Variants in MTHFD2L observed in about 807,000 individuals in gnomAD.
The protein encoded by MTHFD2L is bifunctional methylenetetrahydrofolate dehydrogenase/cyclohydrolase 2, mitochondrial.
MTHFD2L carries 29 observed loss-of-function variants against 34.9 expected under a neutral mutation model. That is an observed-to-expected ratio of 0.83 (90% confidence interval 0.62 to 1.13). The LOEUF (loss-of-function observed/expected upper bound fraction) is 1.13, where lower values mean the gene tolerates loss of function less well. Among genes scored for constraint, MTHFD2L ranks in the 50% most tolerant of loss-of-function variants. The pLI, the probability that MTHFD2L is intolerant of heterozygous loss-of-function variation, is 0.00. For synonymous variants in MTHFD2L, 167 were observed against 155.7 expected, an observed-to-expected ratio of 1.07 and a Z score of -0.54; for missense variants, 481 against 446.5, an observed-to-expected ratio of 1.08 and a Z score of -0.70.
chr4:74,174,766 G>C, intron 2 of MTHFD2L, 76 bp downstream of exon 2: 91 of 1,014,730 alleles, frequency 9.0e-5, no homozygotes, highest in Middle Eastern at 3.0e-4. Context: ...AATTATGAAT[G>C]ATAATTATCA....
At chr4:74,242,536 G>T (rs1345533607) in intron 6 of MTHFD2L, among the ~76,000 whole-genome samples, 1 of 152,164 alleles carries the variant, frequency 6.6e-6, no homozygotes, top group Non-Finnish European at 1.5e-5. Context: ...GATGCAAAAA[G>T]TTGAGGCTTA....
chr4:74,129,831 A>C (rs1436509171), intron 1 of MTHFD2L, among the ~76,000 whole-genome samples: 1 of 152,142 alleles, frequency 6.6e-6, no homozygotes, highest in Non-Finnish European at 1.5e-5. Flanking sequence ...AAATAGATAG[A>C]CCACTAGCCT....
At chr4:74,130,831 G>T (rs550621616) in intron 1 of MTHFD2L, among the ~76,000 whole-genome samples, 1 of 152,246 alleles carries the variant, frequency 6.6e-6, no homozygotes, top group South Asian at 2.1e-4. Flanking sequence ...TATATATTCA[G>T]AAAACCCCAT....
rs1372668562 is a variant in MTHFD2L, at chr4:74,215,918, A to G, written c.713-9384A>G. Reference sequence around the variant, plus strand: ...GAATTTATTTAATTGAGTTTGAACTAGATGTGCTATGATTGGGTCACTAAT... The same window carrying G: ...GAATTTATTTAATTGAGTTTGAACTGGATGTGCTATGATTGGGTCACTAAT... On this transcript the variant is annotated intron_variant, in intron 5 of 7. Coordinates refer to ENST00000325278, the MANE Select transcript of MTHFD2L (RefSeq NM_001144978.3). Among the ~76,000 whole-genome samples the G allele has an allele frequency of 7.3e-5, 11 of 151,640 alleles. 1 individual carries two copies. The highest frequency in any genetic ancestry group is 7.2e-4 in the Admixed American group (11 of 15,256).
Position 74,234,796 on chromosome 4 carries a change from A to AATGT in MTHFD2L, c.805+9402_805+9403insATGT, listed in dbSNP as rs1553915436. 4.6e-3 allele frequency among the ~76,000 whole-genome samples: 693 copies of AATGT among 149,536 alleles called. 10 individuals are homozygous for AATGT. The highest frequency in any genetic ancestry group is 0.016 in the African/African-American group (650 of 40,992). On this transcript the variant is annotated intron_variant, in intron 6 of 7. Coordinates refer to ENST00000325278, the MANE Select transcript of MTHFD2L (RefSeq NM_001144978.3). ...TGTCTATCTGTTTAGAAAAGGAGAC[A>AATGT]GTGTGTGTGTGTGTGTGTGTGTGTT...
intron 5 of MTHFD2L, among the ~76,000 whole-genome samples, chr4:74,202,185 A>C (rs1279321745): frequency 6.6e-6 from 1 of 152,218 alleles, no homozygotes; most frequent in Non-Finnish European, 1.5e-5. Flanking sequence ...TAATTGACAA[A>C]GGCTTGGGTC....
chr4:74,225,274 C>A (rs1578531290), intron 5 of MTHFD2L, 28 bp from the exon 6 acceptor site: 5 of 1,555,954 alleles, frequency 3.2e-6, no homozygotes, highest in Non-Finnish European at 3.5e-6. Flanking sequence ...GTTCAGTAAT[C>A]ACTGATAGAA....
At chr4:74,173,175 G>C (rs556495471) in intron 1 of MTHFD2L, among the ~76,000 whole-genome samples, 4 of 152,178 alleles carry the variant, frequency 2.6e-5, no homozygotes, top group African/African-American at 9.6e-5. Flanking sequence ...AGGAAGAAGG[G>C]ACCACCTTCT....
At chr4:74,146,517 C>T (rs1021833879) in intron 1 of MTHFD2L, among the ~76,000 whole-genome samples, 14 of 152,150 alleles carry the variant, frequency 9.2e-5, no homozygotes, top group South Asian at 2.1e-4. Flanking sequence ...AATCCCCATG[C>T]CCCTCTTCCC....
intron 6 of MTHFD2L, among the ~76,000 whole-genome samples, chr4:74,270,738 A>T (rs1168411662): frequency 1.3e-5 from 2 of 152,238 alleles, no homozygotes; most frequent in African/African-American, 2.4e-5. Flanking sequence ...TACCTGAGGA[A>T]TAGCCACACT....
At chr4:74,294,118 C>T (rs552874120) in intron 7 of MTHFD2L, among the ~76,000 whole-genome samples, 4 of 152,156 alleles carry the variant, frequency 2.6e-5, no homozygotes, top group African/African-American at 9.6e-5. Context: ...AATAGAAAGA[C>T]AACACAATAC....
chr4:74,216,361 A>T (rs1188397840), intron 5 of MTHFD2L, among the ~76,000 whole-genome samples: 1 of 151,830 alleles, frequency 6.6e-6, no homozygotes, highest in African/African-American at 2.4e-5. Context: ...CCCAACACAG[A>T]TAAAAATTAA....
At chr4:74,167,238 C>T (rs367928376) in intron 1 of MTHFD2L, among the ~76,000 whole-genome samples, 25 of 152,326 alleles carry the variant, frequency 1.6e-4, no homozygotes, top group African/African-American at 6.0e-4. Flanking sequence ...CAAGCCCACC[C>T]ATGGGCCATG....
chr4:74,217,296 A>G (rs1289111825), intron 5 of MTHFD2L, among the ~76,000 whole-genome samples: 3 of 151,966 alleles, frequency 2.0e-5, no homozygotes, highest in South Asian at 2.1e-4. Context: ...TTTAGTGTCT[A>G]TAGAGTTTCT....
chr4:74,265,247 T>C lies in MTHFD2L; in HGVS notation c.806-16178T>C, dbSNP rs79171125. ...TTTGTTTGTAATTCAACTGGCTTAT[T>C]TATGTGTCTGCAAGTCTGCCAGGGC... On this transcript the variant is annotated intron_variant, in intron 6 of 7. Coordinates refer to ENST00000325278, the MANE Select transcript of MTHFD2L (RefSeq NM_001144978.3). 2.3e-3 allele frequency among the ~76,000 whole-genome samples: 357 copies of C among 152,262 alleles called. 1 individual carries two copies. Among genetic ancestry groups the C allele is most frequent in the African/African-American group, 8.2e-3 (340 of 41,564 alleles).
At chr4:74,136,263 C>G (rs1028719511) in intron 1 of MTHFD2L, among the ~76,000 whole-genome samples, 15 of 151,870 alleles carry the variant, frequency 9.9e-5, no homozygotes, top group African/African-American at 3.4e-4. Context: ...ATAACTCATA[C>G]AGGAATTTAG....
intron 1 of MTHFD2L, among the ~76,000 whole-genome samples, chr4:74,173,071 C>T (rs1728338080): frequency 6.6e-6 from 1 of 152,048 alleles, no homozygotes; most frequent in African/African-American, 2.4e-5. Context: ...TTCCCTTTTC[C>T]TCCTTTTCAT....
chr4:74,277,805 ATTTGTTTG>A (rs112943918), intron 6 of MTHFD2L, among the ~76,000 whole-genome samples: 16 of 151,392 alleles, frequency 1.1e-4, no homozygotes, highest in South Asian at 4.2e-4. Flanking sequence ...AGGTGTATGC[ATTTGTTTG>A]TTTGTTTGTT....
At chr4:74,219,548 A>G (rs372470381) in intron 5 of MTHFD2L, among the ~76,000 whole-genome samples, 15 of 152,266 alleles carry the variant, frequency 9.9e-5, no homozygotes, top group African/African-American at 3.6e-4. Flanking sequence ...GGACGATAAG[A>G]ATTGAATATA....
Sources: gnomAD v4.1 joint callset for allele counts (sites outside exome capture counted in the v4.1 genomes callset) on GRCh38, gnomAD v4.1.1 for gene constraint, MANE v1.5 for transcripts, NCBI Gene and HGNC (gene_info 2026-07-23, HGNC 2026-07-21) for gene names.